The following PCM1 variants were observed in gnomAD, a reference collection of about 807,000 sequenced individuals.
PCM1 encodes the protein pericentriolar material 1 protein.
Under a neutral mutation model 241.9 loss-of-function variants are expected in PCM1, and 157 were observed. The observed-to-expected ratio is 0.65, with a 90% CI of 0.57 to 0.74. The LOEUF is 0.74. PCM1 is among the 30% of genes least tolerant of loss of function. The pLI, the probability that PCM1 is intolerant of heterozygous loss-of-function variation, is 0.00. For synonymous variants in PCM1, 1,085 were observed against 784.9 expected, an observed-to-expected ratio of 1.38 and a Z score of -6.39; for missense variants, 3,478 against 2,360.1, an observed-to-expected ratio of 1.47 and a Z score of -9.81.
chr8:17,934,697 C>T (rs2059954867), intron 2 of PCM1: 1 of 152,170 alleles, frequency 6.6e-6, no homozygotes, highest in Non-Finnish European at 1.5e-5. Flanking sequence ...TCAACCTCTC[C>T]TCTTTCAGCT....
chr8:18,018,195 A>G (rs1166924191), intron 36 of PCM1, among the ~76,000 whole-genome samples: 1 of 152,216 alleles, frequency 6.6e-6, no homozygotes, highest in East Asian at 1.9e-4. Context: ...GGGCACTTAA[A>G]GTTCTCTCTG....
At position 17,938,994 on chromosome 8, in the gene PCM1, A is replaced by C. The variant is rs565175710; in HGVS notation, c.597A>C (p.Ala199=). 2 of 1,613,644 alleles carry C rather than the reference A, an allele frequency of 1.2e-6. No individual in the cohort carries two copies. Among genetic ancestry groups the C allele is most frequent in the African/African-American group, 2.7e-5 (2 of 75,044 alleles). The change falls in exon 5 of 39, where the codon GCA becomes GCC. Residue 199 remains alanine (A), a synonymous_variant. Coordinates refer to ENST00000325083, the MANE Select transcript of PCM1 (RefSeq NM_006197.4). ...AAGAAGATGGGAGGGGAGAACCTGC[A>C]ATGGAGAGCAGCCAGGTGATAACGT... The part of the protein sequence containing the change: ...VSEEDGRGEP[A]MESSQIVSRL...
chr8:18,016,097 C>G (rs2093159529), intron 36 of PCM1, among the ~76,000 whole-genome samples: 1 of 152,126 alleles, frequency 6.6e-6, no homozygotes, highest in African/African-American at 2.4e-5. Context: ...ACCGTGTTAG[C>G]CAGAATGATC....
At chr8:18,006,128 C>T (rs1588332966) in intron 29 of PCM1, 135 bp from the exon 30 acceptor site, 1 of 717,808 alleles carries the variant, frequency 1.4e-6, no homozygotes, top group Non-Finnish European at 2.2e-6. Context: ...ATGGATATTT[C>T]TAAACAGACA....
intron 36 of PCM1, 68 bp downstream of exon 36, chr8:18,014,908 T>A: frequency 1.5e-6 from 2 of 1,363,716 alleles, no homozygotes. Context: ...CATTTTCAGA[T>A]TAGCATTCTC....
At chr8:17,936,741 T>C (rs2060543958) in intron 3 of PCM1, among the ~76,000 whole-genome samples, 1 of 152,214 alleles carries the variant, frequency 6.6e-6, no homozygotes, top group African/African-American at 2.4e-5. Context: ...TTGATTTGAT[T>C]TCAGATCTCT....
intron 29 of PCM1, among the ~76,000 whole-genome samples, chr8:18,002,959 GGCACTTGCTAAT>G (rs2090111583): frequency 6.6e-6 from 1 of 152,126 alleles, no homozygotes; most frequent in African/African-American, 2.4e-5. Flanking sequence ...CTGAGGCCTT[GGCACTTGCTAAT>G]ACTTCTGCCT....
intron 32 of PCM1, 53 bp from the exon 33 acceptor site, chr8:18,011,184 C>G: frequency 6.0e-6 from 8 of 1,328,218 alleles, no homozygotes; most frequent in Non-Finnish European, 8.3e-6. Flanking sequence ...TTACTATATA[C>G]CTTTTACACA....
intron 23 of PCM1, among the ~76,000 whole-genome samples, chr8:17,979,231 T>A (rs942369310): frequency 7.2e-5 from 11 of 152,080 alleles, no homozygotes; most frequent in African/African-American, 1.9e-4. Flanking sequence ...TCTATCTCAG[T>A]TAGGAACTAA....
chr8:18,026,900 G>T (rs139743969), intron 38 of PCM1, among the ~76,000 whole-genome samples: 2 of 151,804 alleles, frequency 1.3e-5, no homozygotes, highest in African/African-American at 2.4e-5. Context: ...TTTTGTTTTC[G>T]TAATATAATT....
intron 2 of PCM1, among the ~76,000 whole-genome samples, chr8:17,934,321 G>C (rs560202826): frequency 6.6e-6 from 1 of 151,584 alleles, no homozygotes; most frequent in East Asian, 1.9e-4. Context: ...GAGTGCAGTG[G>C]TGCAGTCTCG....
chr8:17,970,993 C>T (rs2076654577), intron 22 of PCM1, among the ~76,000 whole-genome samples: 1 of 152,082 alleles, frequency 6.6e-6, no homozygotes, highest in Non-Finnish European at 1.5e-5. Context: ...CCTTGCTGGC[C>T]ATATAGTGTT....
At chr8:17,947,023 C>T (rs1229459250) in intron 6 of PCM1, among the ~76,000 whole-genome samples, 163 bp from the exon 7 acceptor site, 1 of 152,038 alleles carries the variant, frequency 6.6e-6, no homozygotes, top group Non-Finnish European at 1.5e-5. Flanking sequence ...ATCTCTGTGT[C>T]ATCATTCTGT....
chr8:17,990,830 C>T (rs371448858), intron 27 of PCM1, among the ~76,000 whole-genome samples: 1 of 152,072 alleles, frequency 6.6e-6, no homozygotes, highest in Admixed American at 6.5e-5. Flanking sequence ...TCCTACTGTT[C>T]GCCAAAACAA....
intron 24 of PCM1, chr8:17,982,413 A>G (rs970609431): frequency 1.3e-5 from 2 of 152,184 alleles, no homozygotes; most frequent in African/African-American, 4.8e-5. Context: ...AGTGAAATAT[A>G]ATGATTGAAT....
intron 17 of PCM1, among the ~76,000 whole-genome samples, chr8:17,964,201 C>G (rs889948597): frequency 6.6e-6 from 1 of 152,110 alleles, no homozygotes; most frequent in African/African-American, 2.4e-5. Context: ...TACCTAGTGT[C>G]TACTGTATTG....
chr8:17,924,114 A>G (rs1585269951), intron 1 of PCM1, among the ~76,000 whole-genome samples: 1 of 151,598 alleles, frequency 6.6e-6, no homozygotes, highest in Non-Finnish European at 1.5e-5. Context: ...CCCCCGCCCC[A>G]TAACCGCTTT....
At chr8:17,933,959 A>C (rs2059732044) in intron 2 of PCM1, among the ~76,000 whole-genome samples, 1 of 152,288 alleles carries the variant, frequency 6.6e-6, no homozygotes, top group African/African-American at 2.4e-5. Flanking sequence ...ATATATGCTC[A>C]TTAAAAAAAG....
chr8:17,956,806 A>G, intron 11 of PCM1, 29 bp downstream of exon 11: 2 of 1,547,300 alleles, frequency 1.3e-6, no homozygotes, highest in African/African-American at 1.4e-5. Context: ...ATGTTTTTCC[A>G]GCATATTCAT....
Sources: gnomAD v4.1 joint callset for allele counts (sites outside exome capture counted in the v4.1 genomes callset) on GRCh38, gnomAD v4.1.1 for gene constraint, MANE v1.5 for transcripts, NCBI Gene and HGNC (gene_info 2026-07-23, HGNC 2026-07-21) for gene names.